The following DNAJC27 variants were observed in gnomAD, a reference collection of about 807,000 sequenced individuals.
DNAJC27 encodes DnaJ heat shock protein family (Hsp40) member C27.
DNAJC27 carries 25 observed loss-of-function variants against 31.4 expected under a neutral mutation model. The ratio of observed to expected loss-of-function variants is 0.80; its 90% CI spans 0.58 to 1.11. DNAJC27 has a LOEUF of 1.11. Among genes scored for constraint, DNAJC27 ranks in the 50% most tolerant of loss-of-function variants. DNAJC27 has a pLI of 0.00. For missense variants in DNAJC27, 356 were observed against 347.3 expected (o/e 1.02, Z -0.20); for synonymous variants, 106 against 112.7 (o/e 0.94, Z 0.37).
intron 5 of DNAJC27, among the ~76,000 whole-genome samples, chr2:24,954,147 C>T (rs1198443938): frequency 7.2e-5 from 11 of 152,056 alleles, no homozygotes; most frequent in Non-Finnish European, 1.3e-4. Flanking sequence ...AGCTGGGCAC[C>T]AAGTCCATAT....
At position 24,969,484 on chromosome 2, in the gene DNAJC27, AT is replaced by A. The variant is rs796576572; in HGVS notation, c.88-2192del. 633 of 172,570 alleles carry A rather than the reference AT, an allele frequency of 3.7e-3. 7 individuals are homozygous for A. The highest frequency in any genetic ancestry group is 0.012 in the African/African-American group (512 of 41,286). The allele number at this position is 172,570 out of a possible 1,614,324, so 10.7% of individuals were successfully genotyped here. On this transcript the variant is annotated intron_variant, in intron 1 of 6. Transcript: ENST00000264711. ...AAAACCATCATCACAGTGAAAAAAA[AT>A]TTTTTTTTTCTTTTTAGAGTCTCAC...
intron 3 of DNAJC27, among the ~76,000 whole-genome samples, chr2:24,962,820 A>G (rs1423689233): frequency 6.6e-6 from 1 of 152,208 alleles, no homozygotes; most frequent in Non-Finnish European, 1.5e-5. Flanking sequence ...AGGAAATGAT[A>G]AAGATTAAGG....
chr2:24,957,563 C>T (rs1025474758), intron 4 of DNAJC27, among the ~76,000 whole-genome samples: 1 of 151,904 alleles, frequency 6.6e-6, no homozygotes, highest in African/African-American at 2.4e-5. Flanking sequence ...GGAACCATTG[C>T]TCCCACTCAG....
rs1050035094 is a variant in DNAJC27, at chr2:24,943,775, G to A, written c.*3841C>T. The stretch of plus-strand genomic sequence containing the variant: ...AGAAAATATGTAAATTACCTTGTAA[G>A]AGCAAAGAGTTCATTTATAGACTCT... On this transcript the variant is annotated 3_prime_UTR_variant, in exon 7 of 7. Transcript: ENST00000264711. The A allele has an allele frequency of 5.9e-5, 9 of 152,644 alleles. No individual in the cohort carries two copies. The highest frequency in any genetic ancestry group is 5.2e-4 in the Admixed American group (8 of 15,290). 9.5% of individuals were successfully genotyped at this position (152,644 alleles called of 1,614,324 possible). A position where few individuals can be genotyped will look rare whatever the true frequency, so the allele number is the denominator to read the frequency against.
At chr2:24,948,537 AAT>A (rs1293256526) in intron 6 of DNAJC27, among the ~76,000 whole-genome samples, 1 of 152,174 alleles carries the variant, frequency 6.6e-6, no homozygotes, top group Non-Finnish European at 1.5e-5. Context: ...CCAGAATGAC[AAT>A]GAGCTCACGA....
intron 1 of DNAJC27, among the ~76,000 whole-genome samples, chr2:24,970,111 C>A (rs1044117902): frequency 3.9e-5 from 6 of 152,128 alleles, no homozygotes; most frequent in African/African-American, 7.2e-5. Context: ...AACCTAGGAA[C>A]TTTATTTTTG....
intron 2 of DNAJC27, among the ~76,000 whole-genome samples, chr2:24,964,012 A>G (rs1478149424): frequency 6.6e-6 from 1 of 152,252 alleles, no homozygotes; most frequent in Non-Finnish European, 1.5e-5. Flanking sequence ...CCAAAGGGGA[A>G]ACAATAACCA....
chr2:24,969,899 G>A (rs1666286012), intron 1 of DNAJC27, among the ~76,000 whole-genome samples: 1 of 151,248 alleles, frequency 6.6e-6, no homozygotes, highest in Admixed American at 6.6e-5. Flanking sequence ...CTTGTATTAT[G>A]TTCTGGGAAA....
At chr2:24,949,381 G>A (rs540840281) in intron 6 of DNAJC27, among the ~76,000 whole-genome samples, 1 of 152,308 alleles carries the variant, frequency 6.6e-6, no homozygotes, top group East Asian at 1.9e-4. Context: ...GTCCACATGG[G>A]GTCAGTAGTT....
At chr2:24,964,071 G>A (rs1666115369) in intron 2 of DNAJC27, among the ~76,000 whole-genome samples, 1 of 152,062 alleles carries the variant, frequency 6.6e-6, no homozygotes, top group Non-Finnish European at 1.5e-5. Flanking sequence ...TTTGTTCCTA[G>A]TCTTTTTTTT....
intron 3 of DNAJC27, among the ~76,000 whole-genome samples, chr2:24,962,225 T>C (rs1226365253): frequency 6.6e-6 from 1 of 151,776 alleles, no homozygotes; most frequent in Non-Finnish European, 1.5e-5. Flanking sequence ...TCTTTTGTTT[T>C]TTTTTGTGTT....
intron 3 of DNAJC27, among the ~76,000 whole-genome samples, chr2:24,962,836 G>T (rs59534828): frequency 6.4e-4 from 97 of 152,210 alleles, no homozygotes; most frequent in Admixed American, 1.6e-3. Flanking sequence ...TAAGGCAGAA[G>T]TGAAACGGCC....
At chr2:24,971,634 C>T (rs1426639461) in intron 1 of DNAJC27, 184 bp downstream of exon 1, 1 of 507,264 alleles carries the variant, frequency 2.0e-6, no homozygotes, top group Non-Finnish European at 3.5e-6. Flanking sequence ...GACGAGGGGG[C>T]AACGGAAAGG....
chr2:24,957,130 A>G lies in DNAJC27; in HGVS notation c.441T>C (p.Ser147=), dbSNP rs760167028. 37 of 1,609,486 alleles carry G rather than the reference A, an allele frequency of 2.3e-5. No homozygotes were observed. The South Asian group carries it at 3.8e-4, about 16-fold the overall frequency. Reference sequence around the variant, plus strand: ...TGCTTTCAGCCCAAAGACGTCCTTCACTTTCATCTACACAGCGATGTTTGG... The same window carrying G: ...TGCTTTCAGCCCAAAGACGTCCTTCGCTTTCATCTACACAGCGATGTTTGG... ...DCTKHRCVDE[S]EGRLWAESKG... The change falls in exon 5 of 7, where the codon AGT becomes AGC. Residue 147 remains serine, a synonymous_variant. Transcript: ENST00000264711.
intron 1 of DNAJC27, chr2:24,971,510 A>C: frequency 4.4e-6 from 1 of 226,264 alleles, no homozygotes; most frequent in Non-Finnish European, 8.7e-6. Flanking sequence ...AACGCGGGCA[A>C]GGTATCTAGG....
chr2:24,948,508 G>A (rs1331155347), intron 6 of DNAJC27, among the ~76,000 whole-genome samples: 3 of 152,192 alleles, frequency 2.0e-5, no homozygotes, highest in Non-Finnish European at 4.4e-5. Flanking sequence ...GCAAGCAAGG[G>A]ATGCTGGAAA....
chr2:24,960,939 G>A (rs796722864), intron 3 of DNAJC27, among the ~76,000 whole-genome samples: 1 of 152,270 alleles, frequency 6.6e-6, no homozygotes, highest in Non-Finnish European at 1.5e-5. Flanking sequence ...ATTGATGAAG[G>A]TGGCTAATCA....
intron 6 of DNAJC27, among the ~76,000 whole-genome samples, chr2:24,950,489 A>G (rs1400585632): frequency 6.6e-6 from 1 of 152,212 alleles, no homozygotes; most frequent in African/African-American, 2.4e-5. Context: ...TGTACAAGCA[A>G]CAAAGAATAG....
rs965635436 is a variant in DNAJC27, at chr2:24,944,473, A to G, written c.*3143T>C. On this transcript the variant is annotated 3_prime_UTR_variant, in exon 7 of 7. Transcript: ENST00000264711. ...CTATAGCTCATTTAACTAACAGTGA[A>G]TTAGGTACTAGTTTATAGGTATAAA... 6.6e-6 allele frequency: 1 copy of G among 152,548 alleles called. No homozygotes were observed. The highest frequency in any genetic ancestry group is 2.4e-5 in the African/African-American group (1 of 41,410). The allele number at this position is 152,548 out of a possible 1,614,324, so 9.4% of individuals were successfully genotyped here.
Sources: allele counts gnomAD v4.1 joint callset (sites outside exome capture counted in the v4.1 genomes callset), GRCh38; gene constraint gnomAD v4.1.1; transcripts MANE v1.5; gene names NCBI Gene and HGNC (gene_info 2026-07-23, HGNC 2026-07-21).